SYNE2: variants seen among roughly 807,000 people sequenced by gnomAD.
SYNE2 encodes nesprin-2.
A neutral mutation model predicts 856.3 loss-of-function variants in SYNE2; 431 were observed. That is an observed-to-expected ratio of 0.50 (90% CI 0.47 to 0.55). The LOEUF is 0.55. SYNE2 is among the 20% of genes least tolerant of loss of function. The probability of loss-of-function intolerance (pLI) is 0.00; values close to 1 mark genes in which losing one functional copy is unlikely to be tolerated. For synonymous variants in SYNE2, 2,923 were observed against 2,872.3 expected (o/e 1.02, Z -0.56); for missense variants, 8,129 against 8,023.2 (o/e 1.01, Z -0.50).
chr14:63,844,604 A>T (rs1890172115), intron 1 of SYNE2, among the ~76,000 whole-genome samples: 2 of 151,740 alleles, frequency 1.3e-5, no homozygotes, highest in South Asian at 2.1e-4. Context: ...TTGACTTGGA[A>T]TTTTTTTTTA....
chr14:63,989,536 C>T (rs141337608), intron 19 of SYNE2, among the ~76,000 whole-genome samples: 4,569 of 152,228 alleles, frequency 0.03, 246 homozygotes, highest in African/African-American at 0.1. Context: ...CTGGGTTTCA[C>T]CATGTTGGCC....
At chr14:64,086,600 T>C (rs2097563226) in intron 57 of SYNE2, among the ~76,000 whole-genome samples, 1 of 151,966 alleles carries the variant, frequency 6.6e-6, no homozygotes, top group Non-Finnish European at 1.5e-5. Context: ...AATTAACATC[T>C]CAACCATAGT....
chr14:64,140,414 C>A (rs1269265404), intron 80 of SYNE2, among the ~76,000 whole-genome samples: 1 of 152,166 alleles, frequency 6.6e-6, no homozygotes. Flanking sequence ...GAAACCCTGT[C>A]TCTACTAAAA....
At position 64,113,424 on chromosome 14, in the gene SYNE2, G is replaced by T. The variant is rs147415547; in HGVS notation, c.12693G>T (p.Arg4231Ser). Residue 4231 changes from arginine (R) to serine (S), a missense_variant, in exon 66 of 116, where the codon AGG (arginine) becomes AGT (serine). Physicochemically the swap from Arg to Ser is moderately radical, Grantham distance 110 (BLOSUM62 -1). Around this residue, in one of 3 missense-constraint regions of SYNE2, gnomAD observed 5,410 missense variants for 5,284.8 expected, o/e 1.02. Coordinates refer to ENST00000555002, the MANE Select transcript of SYNE2 (RefSeq NM_182914.3). ...GGLEPRVEKTRPEPTEVLHAC... is the reference protein window; with the variant it reads ...GGLEPRVEKTSPEPTEVLHAC... Reference sequence around the variant, plus strand: ...TGGAGCCCAGGGTGGAGAAAACTAGGCCGGAGCCCACAGAAGTCCTGCATG... The same window carrying T: ...TGGAGCCCAGGGTGGAGAAAACTAGTCCGGAGCCCACAGAAGTCCTGCATG... 2 of 1,614,076 alleles carry T rather than the reference G, an allele frequency of 1.2e-6. No homozygotes were observed. The highest frequency in any genetic ancestry group is 1.7e-6 in the Non-Finnish European group (2 of 1,180,048).
rs1566883104 is a variant in SYNE2, at chr14:63,948,730, A to ATATATATATGTATATATATATG, written c.409-1094_409-1093insATATATATGTATATATATATGT. Among the ~76,000 whole-genome samples the ATATATATATGTATATATATATG allele has an allele frequency of 3.4e-5, 3 of 88,890 alleles. No homozygotes were observed. In the East Asian group the frequency reaches 8.8e-4, roughly 26 times the overall value. The allele number at this position is 88,890 out of a possible 152,430, so 58.3% of individuals were successfully genotyped here. ...TGTATATATATATGTGTGTATATAT[A>ATATATATATGTATATATATATG]TGTGTATAGATATGTGTGTGTATAT... On this transcript the variant is annotated intron_variant, in intron 6 of 115. Coordinates refer to ENST00000555002, the MANE Select transcript of SYNE2 (RefSeq NM_182914.3).
intron 40 of SYNE2, 34 bp from the exon 41 acceptor site, chr14:64,025,096 C>G (rs1177822997): frequency 1.2e-6 from 2 of 1,613,786 alleles, no homozygotes; most frequent in Non-Finnish European, 1.7e-6. Context: ...TGTGGTTACT[C>G]CTATAAACTT....
intron 111 of SYNE2, 109 bp downstream of exon 111, chr14:64,220,746 C>A (rs936498531): frequency 7.7e-6 from 10 of 1,299,112 alleles, no homozygotes; most frequent in Admixed American, 5.9e-5. Context: ...CCAAATGTGG[C>A]TGGTGTCAGG....
intron 1 of SYNE2, among the ~76,000 whole-genome samples, chr14:63,885,070 G>A (rs191081435): frequency 4.6e-5 from 7 of 152,246 alleles, no homozygotes; most frequent in Non-Finnish European, 7.4e-5. Flanking sequence ...GGGAGTGACC[G>A]CTTTAGCCAT....
At chr14:63,902,407 CAAAAA>C (rs10533353) in intron 1 of SYNE2, among the ~76,000 whole-genome samples, 2 of 74,644 alleles carry the variant, frequency 2.7e-5, no homozygotes, top group Non-Finnish European at 4.9e-5. Flanking sequence ...CGAGACTCCT[CAAAAA>C]AAAAAAAAAA....
chr14:64,004,415 C>T (rs931039543), intron 30 of SYNE2, among the ~76,000 whole-genome samples: 3 of 151,940 alleles, frequency 2.0e-5, no homozygotes, highest in Admixed American at 2.0e-4. Flanking sequence ...GCTGCAACCT[C>T]TGCCTCCCAG....
At chr14:63,896,071 A>G (rs1230437946) in intron 1 of SYNE2, among the ~76,000 whole-genome samples, 1 of 152,218 alleles carries the variant, frequency 6.6e-6, no homozygotes, top group African/African-American at 2.4e-5. Context: ...TATTTTCTAT[A>G]AAGTCATTTG....
chr14:64,186,441 G>A lies in SYNE2; in HGVS notation c.17574G>A (p.Leu5858=). ...KELIKELEQS[L]ASWTQNLKEL... ...AAATGCAGGAACTAGAACAGTCTTT[G>A]GCTAGCTGGACTCAGAACTTGAAAG... is the stretch of plus-strand genomic sequence containing the variant. Residue 5858 remains leucine (L), a synonymous_variant, in exon 97 of 116, where the codon TTG becomes TTA. Coordinates refer to ENST00000555002, the MANE Select transcript of SYNE2 (RefSeq NM_182914.3). 1 of 1,614,176 alleles carries A rather than the reference G, an allele frequency of 6.2e-7. No homozygotes were observed. Among genetic ancestry groups the A allele is most frequent in the Non-Finnish European group, 8.5e-7 (1 of 1,180,028 alleles).
intron 45 of SYNE2, among the ~76,000 whole-genome samples, chr14:64,043,962 A>G (rs990220331): frequency 1.3e-5 from 2 of 152,140 alleles, no homozygotes; most frequent in Non-Finnish European, 2.9e-5. Flanking sequence ...GGTTCAAGTG[A>G]TCCTCCCACC....
chr14:64,070,572 T>G, intron 51 of SYNE2, 73 bp from the exon 52 acceptor site: 1 of 1,344,804 alleles, frequency 7.4e-7, no homozygotes, highest in Non-Finnish European at 1.0e-6. Flanking sequence ...CATACAAAAA[T>G]TATGTCTACT....
At chr14:63,785,283 A>T (rs1566564853) in intron 1 of SYNE2, among the ~76,000 whole-genome samples, 1 of 151,912 alleles carries the variant, frequency 6.6e-6, no homozygotes, top group Admixed American at 6.6e-5. Context: ...ACATGGCAAA[A>T]CCCCGTCTCT....
At chr14:63,959,577 T>G (rs921796719) in intron 8 of SYNE2, among the ~76,000 whole-genome samples, 2 of 152,100 alleles carry the variant, frequency 1.3e-5, no homozygotes, top group Non-Finnish European at 2.9e-5. Context: ...GATTACAGGC[T>G]TAAGCCACCG....
intron 45 of SYNE2, among the ~76,000 whole-genome samples, chr14:64,035,176 T>C (rs770134532): frequency 3.3e-5 from 5 of 151,988 alleles, no homozygotes; most frequent in Non-Finnish European, 7.4e-5. Flanking sequence ...TAAGAAGGCA[T>C]TTGTAGATAA....
At chr14:63,869,929 A>T (rs559845318) in intron 1 of SYNE2, among the ~76,000 whole-genome samples, 16 of 152,070 alleles carry the variant, frequency 1.1e-4, no homozygotes, top group Non-Finnish European at 1.6e-4. Context: ...TCTGTCTTCT[A>T]TCTCCTTTTA....
At chr14:63,972,470 A>C (rs2153459961) in intron 11 of SYNE2, among the ~76,000 whole-genome samples, 1 of 152,248 alleles carries the variant, frequency 6.6e-6, no homozygotes, top group East Asian at 1.9e-4. Flanking sequence ...TGCTAATTTT[A>C]AAGTCATTGA....
Sources: gnomAD v4.1 joint callset for allele counts (sites outside exome capture counted in the v4.1 genomes callset) on GRCh38, gnomAD v4.1.1 for gene constraint, gnomAD v4.1.1 regional missense constraint, MANE v1.5 for transcripts, NCBI Gene and HGNC (gene_info 2026-07-23, HGNC 2026-07-21) for gene names.